Variants in SP4 observed in about 807,000 individuals in gnomAD.
SP4 encodes transcription factor Sp4.
A neutral mutation model predicts 72.8 loss-of-function variants in SP4; 19 were observed. The observed-to-expected ratio is 0.26, with a 90% CI of 0.18 to 0.38. The LOEUF (loss-of-function observed/expected upper bound fraction) is 0.38. SP4 is among the 10% of genes least tolerant of loss of function. The pLI, the probability that SP4 is intolerant of heterozygous loss-of-function variation, is 1.00. For missense variants in SP4, 1,008 were observed against 926.3 expected (o/e 1.09, Z -1.14); for synonymous variants, 395 against 333.1 (o/e 1.19, Z -2.02).
intron 3 of SP4, among the ~76,000 whole-genome samples, chr7:21,467,526 C>G (rs925511644): frequency 1.3e-5 from 2 of 152,094 alleles, no homozygotes; most frequent in Non-Finnish European, 2.9e-5. Context: ...TCCTTTCTAT[C>G]CTCCCCAGCC....
rs780307479 is a variant in SP4, at chr7:21,430,105, A to C, written c.940A>C (p.Met314Leu). Residue 314 changes from methionine (M) to leucine (L), a missense_variant, in exon 3 of 6, where the codon ATG (methionine) becomes CTG (leucine). By Grantham distance (15) the Met-to-Leu change is conservative (BLOSUM62 2). This residue lies in a region of SP4 where 893 missense variants were observed against 743.3 expected (regional missense o/e 1.20). Transcript: ENST00000222584. ...PTNTTTSASTMPESPSSSTTC... is the reference protein window; with the variant it reads ...PTNTTTSASTLPESPSSSTTC... ...CAACACCACTACTTCTGCCAGTACT[A>C]TGCCAGAATCTCCCTCCTCCTCCAC... The C allele has an allele frequency of 6.2e-7, 1 of 1,614,114 alleles. No homozygotes were observed. The highest frequency in any genetic ancestry group is 1.7e-5 in the Admixed American group (1 of 60,020).
chr7:21,435,847 ATT>A (rs113136334), intron 3 of SP4, among the ~76,000 whole-genome samples: 4 of 144,714 alleles, frequency 2.8e-5, no homozygotes, highest in African/African-American at 1.0e-4. Flanking sequence ...GTAAAAGGGC[ATT>A]TTTTTTTTTT....
At chr7:21,503,991 A>G (rs915861084) in intron 5 of SP4, among the ~76,000 whole-genome samples, 1 of 152,198 alleles carries the variant, frequency 6.6e-6, no homozygotes, top group Non-Finnish European at 1.5e-5. Context: ...CCCATTTGCC[A>G]TCTTCAGTCT....
chr7:21,437,354 T>G (rs1036548049), intron 3 of SP4, among the ~76,000 whole-genome samples: 1 of 152,210 alleles, frequency 6.6e-6, no homozygotes, highest in Non-Finnish European at 1.5e-5. Flanking sequence ...AATGTTAACA[T>G]AATTTATCTT....
chr7:21,453,499 C>G (rs373889751), intron 3 of SP4, among the ~76,000 whole-genome samples: 8 of 152,116 alleles, frequency 5.3e-5, no homozygotes, highest in African/African-American at 1.7e-4. Context: ...ATAATGTATG[C>G]CTAGTCATAT....
intron 5 of SP4, among the ~76,000 whole-genome samples, chr7:21,494,633 CTACATTAA>C (rs1272241518): frequency 5.3e-5 from 8 of 152,140 alleles, no homozygotes; most frequent in African/African-American, 1.7e-4. Context: ...CAATGAAGAA[CTACATTAA>C]TGCAGAGATA....
chr7:21,433,192 CAA>C (rs565864425), intron 3 of SP4, among the ~76,000 whole-genome samples: 35 of 152,218 alleles, frequency 2.3e-4, no homozygotes, highest in African/African-American at 8.2e-4. Context: ...TGAACACTGC[CAA>C]TAGGTGTGGT....
chr7:21,488,054 G>C (rs1208705083), intron 5 of SP4, among the ~76,000 whole-genome samples: 1 of 151,996 alleles, frequency 6.6e-6, no homozygotes, highest in Admixed American at 6.6e-5. Context: ...TGCAGAGACA[G>C]ATTTTTCTCA....
intron 5 of SP4, among the ~76,000 whole-genome samples, chr7:21,504,511 C>T (rs1400327452): frequency 6.6e-6 from 1 of 152,174 alleles, no homozygotes; most frequent in Non-Finnish European, 1.5e-5. Context: ...TTCGTCACAA[C>T]TCATCCACAA....
At chr7:21,435,146 CAG>C (rs1490368524) in intron 3 of SP4, among the ~76,000 whole-genome samples, 1 of 152,176 alleles carries the variant, frequency 6.6e-6, no homozygotes, top group Admixed American at 6.5e-5. Context: ...TATGTAGTAA[CAG>C]AGATCATACT....
intron 5 of SP4, among the ~76,000 whole-genome samples, chr7:21,488,405 C>G (rs79273261): frequency 0.026 from 3,902 of 150,962 alleles, 150 homozygotes; most frequent in African/African-American, 0.085. Flanking sequence ...AGAACATATT[C>G]TCTTCCTTGA....
At chr7:21,464,068 A>G (rs1784083716) in intron 3 of SP4, among the ~76,000 whole-genome samples, 1 of 150,632 alleles carries the variant, frequency 6.6e-6, no homozygotes, top group Non-Finnish European at 1.5e-5. Context: ...ACTATTTATT[A>G]TGATAATTAT....
intron 5 of SP4, chr7:21,482,817 T>G: frequency 4.5e-6 from 4 of 890,426 alleles, no homozygotes; most frequent in Non-Finnish European, 5.4e-6. Flanking sequence ...GAGATCTGTT[T>G]GTACATATAT....
At chr7:21,473,851 G>A (rs1295404673) in intron 3 of SP4, among the ~76,000 whole-genome samples, 2 of 152,172 alleles carry the variant, frequency 1.3e-5, no homozygotes, top group African/African-American at 4.8e-5. Flanking sequence ...GACTAATAGA[G>A]ATGAGCTCTG....
At chr7:21,454,644 C>T (rs1783706988) in intron 3 of SP4, among the ~76,000 whole-genome samples, 1 of 152,192 alleles carries the variant, frequency 6.6e-6, no homozygotes, top group Non-Finnish European at 1.5e-5. Context: ...TATCTATATA[C>T]TGTAGAAGTT....
chr7:21,446,965 A>T (rs1200247370), intron 3 of SP4, among the ~76,000 whole-genome samples: 2 of 152,132 alleles, frequency 1.3e-5, no homozygotes, highest in Non-Finnish European at 2.9e-5. Flanking sequence ...GGATTCACAG[A>T]ATGTTTTAGA....
At chr7:21,484,847 A>G (rs1784771525) in intron 5 of SP4, among the ~76,000 whole-genome samples, 1 of 151,772 alleles carries the variant, frequency 6.6e-6, no homozygotes, top group Admixed American at 6.6e-5. Context: ...GATACACAAA[A>G]CAAATTTATT....
At chr7:21,507,725 T>C (rs1304955880) in intron 5 of SP4, among the ~76,000 whole-genome samples, 2 of 152,158 alleles carry the variant, frequency 1.3e-5, no homozygotes, top group Admixed American at 1.3e-4. Context: ...TTTGGCTCCC[T>C]CTTTCCCTTG....
intron 3 of SP4, among the ~76,000 whole-genome samples, chr7:21,467,178 A>G (rs932786419): frequency 6.6e-6 from 1 of 152,144 alleles, no homozygotes; most frequent in African/African-American, 2.4e-5. Context: ...TACTCACTAT[A>G]TACCAGTAAT....
Sources: gnomAD v4.1 joint callset for allele counts (sites outside exome capture counted in the v4.1 genomes callset) on GRCh38, gnomAD v4.1.1 for gene constraint, gnomAD v4.1.1 regional missense constraint, MANE v1.5 for transcripts, NCBI Gene and HGNC (gene_info 2026-07-23, HGNC 2026-07-21) for gene names.